Variants in FOXP1 observed in about 807,000 individuals in gnomAD.
FOXP1 encodes the protein forkhead box protein P1.
Under a neutral mutation model 98.2 loss-of-function variants are expected in FOXP1, and 15 were observed. The observed-to-expected ratio is 0.15, with a 90% CI of 0.10 to 0.24. FOXP1 has a LOEUF of 0.24. Ranked by LOEUF, FOXP1 falls within the 10% of genes least tolerant of loss-of-function variation. The pLI, the probability that FOXP1 is intolerant of heterozygous loss-of-function variation, is 1.00. For synonymous variants in FOXP1, 371 were observed against 314.5 expected (o/e 1.18, Z -1.90); for missense variants, 633 against 848.5 (o/e 0.75, Z 3.15).
chr3:71,088,304 G>A (rs2055364991), intron 7 of FOXP1, among the ~76,000 whole-genome samples: 1 of 152,154 alleles, frequency 6.6e-6, no homozygotes, highest in South Asian at 2.1e-4. Context: ...AGTCAAACAT[G>A]GGACTGTCAT....
At chr3:71,249,459 G>T (rs1364412127) in intron 5 of FOXP1, among the ~76,000 whole-genome samples, 1 of 152,200 alleles carries the variant, frequency 6.6e-6, no homozygotes, top group African/African-American at 2.4e-5. Flanking sequence ...CTTGCAAAAT[G>T]CAGGCTGTTA....
intron 3 of FOXP1, among the ~76,000 whole-genome samples, chr3:71,385,494 G>C (rs75547978): frequency 6.6e-6 from 1 of 152,172 alleles, no homozygotes; most frequent in African/African-American, 2.4e-5. Context: ...GCTCTGGGGA[G>C]AGACTGACGC....
intron 3 of FOXP1, among the ~76,000 whole-genome samples, chr3:71,477,829 T>A (rs2089977020): frequency 6.6e-6 from 1 of 152,186 alleles, no homozygotes; most frequent in Non-Finnish European, 1.5e-5. Flanking sequence ...AAGTACCAAC[T>A]GAAATAGATC....
intron 5 of FOXP1, among the ~76,000 whole-genome samples, chr3:71,251,746 T>C (rs1368792751): frequency 2.0e-5 from 3 of 152,168 alleles, no homozygotes; most frequent in Non-Finnish European, 2.9e-5. Context: ...ACCAAGAAAT[T>C]TTAGCTTTAG....
At chr3:71,178,625 T>C (rs1028028508) in intron 6 of FOXP1, among the ~76,000 whole-genome samples, 4 of 151,906 alleles carry the variant, frequency 2.6e-5, no homozygotes, top group African/African-American at 4.8e-5. Context: ...GTCTCAAGCC[T>C]GTAATCCCAG....
chr3:71,226,679 G>T (rs2065864538), intron 5 of FOXP1, among the ~76,000 whole-genome samples: 1 of 151,336 alleles, frequency 6.6e-6, no homozygotes, highest in Admixed American at 6.6e-5. Context: ...CTTTCAGTTT[G>T]CCATCTTCCT....
intron 12 of FOXP1, among the ~76,000 whole-genome samples, chr3:71,008,656 G>A (rs1203161099): frequency 6.6e-6 from 1 of 152,066 alleles, no homozygotes; most frequent in African/African-American, 2.4e-5. Flanking sequence ...CAATAGACTG[G>A]GTATCTGCTG....
chr3:71,114,781 C>T lies in FOXP1; in HGVS notation c.181-2144G>A, dbSNP rs187805026. 2.4e-3 allele frequency among the ~76,000 whole-genome samples: 363 copies of T among 152,292 alleles called. 2 individuals are homozygous for T. Among genetic ancestry groups the T allele is most frequent in the African/African-American group, 8.3e-3 (345 of 41,558 alleles). ...TGAGTGGGGCATCTGGAAGCCAAGA[C>T]GCCTGGGAGAGTTGCCTGAGACTCT... On this transcript the variant is annotated intron_variant, in intron 6 of 20. Transcript: ENST00000649528.
At chr3:71,300,630 T>G (rs2073764643) in intron 4 of FOXP1, among the ~76,000 whole-genome samples, 1 of 152,204 alleles carries the variant, frequency 6.6e-6, no homozygotes, top group Non-Finnish European at 1.5e-5. Context: ...ACAAGCTGCC[T>G]CTTTCTGCCC....
chr3:71,269,007 C>G (rs115752667), intron 5 of FOXP1, among the ~76,000 whole-genome samples: 1 of 151,888 alleles, frequency 6.6e-6, no homozygotes, highest in Non-Finnish European at 1.5e-5. Flanking sequence ...GGTAAATGAA[C>G]GTAGACAGAT....
At chr3:71,350,049 T>A (rs1404591166) in intron 4 of FOXP1, among the ~76,000 whole-genome samples, 1 of 152,202 alleles carries the variant, frequency 6.6e-6, no homozygotes, top group Non-Finnish European at 1.5e-5. Flanking sequence ...ATTCACTTAT[T>A]ACGTATTTAT....
At chr3:71,382,699 ATCAAG>A (rs2080270174) in intron 3 of FOXP1, among the ~76,000 whole-genome samples, 1 of 152,228 alleles carries the variant, frequency 6.6e-6, no homozygotes, top group African/African-American at 2.4e-5. Flanking sequence ...AGAGAGCTGG[ATCAAG>A]TCTCTCCTGC....
chr3:71,419,234 C>CAAAAA (rs36072859), intron 3 of FOXP1, among the ~76,000 whole-genome samples: 13 of 47,830 alleles, frequency 2.7e-4, no homozygotes, highest in South Asian at 1.3e-3. Context: ...GACTCCATCT[C>CAAAAA]AAAAAAAAAA....
intron 3 of FOXP1, among the ~76,000 whole-genome samples, chr3:71,429,499 G>T (rs1362401344): frequency 7.4e-6 from 1 of 135,908 alleles, no homozygotes; most frequent in African/African-American, 2.6e-5. Flanking sequence ...GGCGGGAGGG[G>T]GGGTACTGAA....
intron 2 of FOXP1, among the ~76,000 whole-genome samples, chr3:71,551,244 CA>C (rs1431348877): frequency 3.3e-5 from 5 of 152,112 alleles, no homozygotes; most frequent in Admixed American, 3.3e-4. Flanking sequence ...TCCACAAAAA[CA>C]TTCTATAAAA....
In FOXP1 at chr3:71,581,593, CGGA is replaced by C; in HGVS notation, c.-345_-343del. ...AGTAGGAGCGCCGCCTTCACGCCCG[CGGA>C]GGAGGCGCCGGCAGCACCATGGTCC... On this transcript the variant is annotated 5_prime_UTR_variant, in exon 2 of 21. Coordinates refer to ENST00000649528, the MANE Select transcript of FOXP1 (RefSeq NM_001349338.3). 1.0e-6 allele frequency: 1 copy of C among 985,588 alleles called. No individual in the cohort carries two copies. The highest frequency in any genetic ancestry group is 1.2e-6 in the Non-Finnish European group (1 of 830,022). The allele number at this position is 985,588 out of a possible 1,614,324, so 61.1% of individuals were successfully genotyped here. A position where few individuals can be genotyped will look rare whatever the true frequency, so the allele number is the denominator to read the frequency against.
chr3:70,988,010 T>C lies in FOXP1; in HGVS notation c.1130A>G (p.Lys377Arg). Residue 377 changes from lysine (K) to arginine (R), a missense_variant, in exon 14 of 21, where the codon AAA becomes AGA. Physicochemically the swap from Lys to Arg is conservative, Grantham distance 26. Transcript: ENST00000649528. ...AATACTTACGGGCTGAGGGGCGGCT[T>C]TGGGTTCTGTAGACTTCACATGCAG... Reference protein sequence around the residue: ...THLHVKSTEPKAAPQPLNLVS... With the variant: ...THLHVKSTEPRAAPQPLNLVS... 6.2e-7 allele frequency: 1 copy of C among 1,614,112 alleles called. No homozygotes were observed. Among genetic ancestry groups the C allele is most frequent in the Non-Finnish European group, 8.5e-7 (1 of 1,179,966 alleles).
intron 2 of FOXP1, among the ~76,000 whole-genome samples, chr3:71,536,821 T>C (rs922563491): frequency 1.3e-5 from 2 of 152,040 alleles, no homozygotes; most frequent in South Asian, 4.1e-4. Context: ...TGGTGTGGGT[T>C]CTCCCACCCC....
At position 71,230,617 on chromosome 3, in the gene FOXP1, A is replaced by G. The variant is rs1472583202; in HGVS notation, c.-11-32225T>C. Among the ~76,000 whole-genome samples, 6 of 152,336 alleles carry G rather than the reference A, an allele frequency of 3.9e-5. No homozygotes were observed. In the South Asian group the frequency reaches 1.2e-3, roughly 32 times the overall value. ...AATCCGTAGCTAAAAACCAACATCT[A>G]AAGTCTGCTAAGCCAAACCTGTGAG... On this transcript the variant is annotated intron_variant, in intron 5 of 20. Coordinates refer to ENST00000649528, the MANE Select transcript of FOXP1 (RefSeq NM_001349338.3).
Sources: gnomAD v4.1 joint callset for allele counts (sites outside exome capture counted in the v4.1 genomes callset) on GRCh38, gnomAD v4.1.1 for gene constraint, MANE v1.5 for transcripts, NCBI Gene and HGNC (gene_info 2026-07-23, HGNC 2026-07-21) for gene names.